EHMT1: variants seen among roughly 807,000 people sequenced by gnomAD.
EHMT1 encodes the protein euchromatic histone lysine methyltransferase 1.
A neutral mutation model predicts 147.2 loss-of-function variants in EHMT1; 15 were observed. The observed-to-expected ratio is 0.10, with a 90% CI of 0.07 to 0.16. The LOEUF is 0.16. Among genes scored for constraint, EHMT1 ranks in the 10% least tolerant of loss-of-function variants. The pLI, the probability that EHMT1 is intolerant of heterozygous loss-of-function variation, is 1.00. For synonymous variants in EHMT1, 795 were observed against 709.6 expected, an observed-to-expected ratio of 1.12 and a Z score of -1.91; for missense variants, 1,587 against 1,772.4, an observed-to-expected ratio of 0.90 and a Z score of 1.88.
At chr9:137,703,653 ACCT>A (rs1201631388) in intron 1 of EHMT1, among the ~76,000 whole-genome samples, 1 of 151,778 alleles carries the variant, frequency 6.6e-6, no homozygotes, top group African/African-American at 2.4e-5. Flanking sequence ...TCCATCTGAG[ACCT>A]CCTCAGCTTG....
chr9:137,829,585 T>C (rs1295286894), intron 25 of EHMT1, among the ~76,000 whole-genome samples: 1 of 152,236 alleles, frequency 6.6e-6, no homozygotes, highest in Non-Finnish European at 1.5e-5. Flanking sequence ...CCCGATGTCT[T>C]TTCCTGGTTC....
intron 15 of EHMT1, among the ~76,000 whole-genome samples, chr9:137,783,029 C>G (rs536451025): frequency 6.6e-6 from 1 of 152,308 alleles, no homozygotes; most frequent in East Asian, 1.9e-4. Flanking sequence ...ACTTCTGATC[C>G]TTTGTGTGTG....
At chr9:137,643,185 T>C (rs1457760664) in intron 1 of EHMT1, among the ~76,000 whole-genome samples, 2 of 152,054 alleles carry the variant, frequency 1.3e-5, no homozygotes, top group Non-Finnish European at 2.9e-5. Context: ...TGCCTGGCCT[T>C]GGTGCTCTCT....
At chr9:137,771,927 C>T (rs2136561624) in intron 10 of EHMT1, among the ~76,000 whole-genome samples, 1 of 151,982 alleles carries the variant, frequency 6.6e-6, no homozygotes, top group East Asian at 1.9e-4. Flanking sequence ...TAAACCAGAT[C>T]CAAGGAAGAG....
intron 15 of EHMT1, chr9:137,788,784 C>A (rs577907314): frequency 6.6e-6 from 1 of 152,166 alleles, no homozygotes; most frequent in Non-Finnish European, 1.5e-5. Context: ...GGAGGGTGAG[C>A]GGCCGGCGGC....
Position 137,834,888 on chromosome 9 carries a change from G to A in EHMT1, c.3832G>A (p.Ala1278Thr). ...CCTGGCCCAGCGTCAGGCCAGCGCG[G>A]CCCAGGAGGCCCAGGAGGACGGCTT... ...AALAQRQASA[A>T]QEAQEDGLPD... Residue 1278 changes from alanine (A) to threonine (T), a missense_variant, in exon 27 of 27, where the codon GCC (alanine) becomes ACC (threonine). This residue lies in a region of EHMT1 where 141 missense variants were observed against 150.8 expected (regional missense o/e 0.94). Transcript: ENST00000460843. 1 of 1,603,968 alleles carries A rather than the reference G, an allele frequency of 6.2e-7. No homozygotes were observed. The highest frequency in any genetic ancestry group is 8.5e-7 in the Non-Finnish European group (1 of 1,176,226).
intron 1 of EHMT1, among the ~76,000 whole-genome samples, chr9:137,689,420 C>CA (rs1942744093): frequency 6.6e-6 from 1 of 152,094 alleles, no homozygotes; most frequent in Non-Finnish European, 1.5e-5. Flanking sequence ...AAAAAATTGA[C>CA]ACGGCCGGGT....
intron 1 of EHMT1, among the ~76,000 whole-genome samples, chr9:137,686,762 G>A (rs1268629753): frequency 7.3e-6 from 1 of 137,834 alleles, no homozygotes; most frequent in East Asian, 2.0e-4. Context: ...ATGGAGTCTC[G>A]CTCTGTCACC....
chr9:137,658,660 T>C (rs1938744612), intron 1 of EHMT1, among the ~76,000 whole-genome samples: 1 of 152,120 alleles, frequency 6.6e-6, no homozygotes, highest in African/African-American at 2.4e-5. Flanking sequence ...TAGCCCAGGC[T>C]GGAGTGCAGT....
At chr9:137,747,678 T>TG (rs1254028120) in intron 6 of EHMT1, 1 of 152,210 alleles carries the variant, frequency 6.6e-6, no homozygotes. Context: ...TTTCTGAATT[T>TG]GGGGGGATTA....
At chr9:137,761,647 CG>C (rs1377859897) in intron 9 of EHMT1, among the ~76,000 whole-genome samples, 2 of 151,842 alleles carry the variant, frequency 1.3e-5, no homozygotes, top group Non-Finnish European at 2.9e-5. Flanking sequence ...TTAGTAGAGA[CG>C]GGGTTTCACC....
intron 24 of EHMT1, 32 bp downstream of exon 24, chr9:137,817,557 G>T (rs531989119): frequency 6.2e-7 from 1 of 1,613,838 alleles, no homozygotes; most frequent in Non-Finnish European, 8.5e-7. Flanking sequence ...CCCAAGCCTG[G>T]TGTCATTTCT....
intron 16 of EHMT1, among the ~76,000 whole-genome samples, chr9:137,792,521 A>G (rs1171648228): frequency 6.6e-6 from 1 of 152,178 alleles, no homozygotes; most frequent in Non-Finnish European, 1.5e-5. Flanking sequence ...TCTGTCCAAC[A>G]TGGTGAAACC....
chr9:137,750,958 G>C lies in EHMT1; in HGVS notation c.1171-1373G>C, dbSNP rs540281463. On this transcript the variant is annotated intron_variant, in intron 6 of 26. Transcript: ENST00000460843. ...TTTTGGGAAAAGGCAGCCTGCACTT[G>C]TGTCAGGGCACGTAACAAATGTGAG... 2.3e-3 allele frequency among the ~76,000 whole-genome samples: 344 copies of C among 152,358 alleles called. 3 individuals carry two copies. The highest frequency in any genetic ancestry group is 7.7e-3 in the African/African-American group (320 of 41,578).
At chr9:137,722,048 A>G (rs970542937) in intron 3 of EHMT1, among the ~76,000 whole-genome samples, 1 of 151,924 alleles carries the variant, frequency 6.6e-6, no homozygotes, top group Non-Finnish European at 1.5e-5. Context: ...GTTTGTATAA[A>G]GTCTGAGGCT....
At chr9:137,802,493 A>G in intron 18 of EHMT1, 1 of 398,638 alleles carries the variant, frequency 2.5e-6, no homozygotes, top group Non-Finnish European at 4.4e-6. Flanking sequence ...GACACAGAAA[A>G]AGAAGATTTC....
intron 15 of EHMT1, chr9:137,788,369 C>A: frequency 3.0e-6 from 1 of 331,204 alleles, no homozygotes; most frequent in South Asian, 9.6e-5. Context: ...CGCCTTCTGC[C>A]AGCGCCTCAG....
intron 1 of EHMT1, among the ~76,000 whole-genome samples, chr9:137,653,814 G>T (rs1161449135): frequency 6.6e-6 from 1 of 152,310 alleles, no homozygotes; most frequent in East Asian, 1.9e-4. Context: ...GTTAGCCACT[G>T]CCCCTGGCCG....
At position 137,813,192 on chromosome 9, in the gene EHMT1, C is replaced by G. The variant is rs369539861; in HGVS notation, c.3035+19C>G. The G allele has an allele frequency of 1.2e-6, 2 of 1,605,702 alleles. No individual in the cohort carries two copies. The highest frequency in any genetic ancestry group is 1.7e-6 in the Non-Finnish European group (2 of 1,179,708). On this transcript the variant is annotated intron_variant, in intron 20 of 26. Transcript: ENST00000460843. The surrounding 1 kb of genome is among the most constrained non-coding windows in gnomAD (Gnocchi z 4.9). ...TGAGCAGGTGAGCCCAGCCCCAGGA[C>G]GGCTTTGTGGCAAATCAGCGGTCAG...
Sources: gnomAD v4.1 joint callset for allele counts (sites outside exome capture counted in the v4.1 genomes callset) on GRCh38, gnomAD v4.1.1 for gene constraint, gnomAD v4.1.1 regional missense constraint, Gnocchi (gnomAD v3.1) non-coding constraint, MANE v1.5 for transcripts, NCBI Gene and HGNC (gene_info 2026-07-23, HGNC 2026-07-21) for gene names.